ERN1: variants seen among roughly 807,000 people sequenced by gnomAD.
ERN1 encodes the protein serine/threonine-protein kinase/endoribonuclease IRE1.
A neutral mutation model predicts 113.1 loss-of-function variants in ERN1; 39 were observed. That is an observed-to-expected ratio of 0.34 (90% CI 0.27 to 0.45). The LOEUF is 0.45. ERN1 is among the 20% of genes least tolerant of loss of function. The probability of loss-of-function intolerance (pLI) is 1.00; values close to 1 mark genes in which losing one functional copy is unlikely to be tolerated. For missense variants in ERN1, 976 were observed against 1,274.8 expected, an observed-to-expected ratio of 0.77 and a Z score of 3.57; for synonymous variants, 507 against 515.9, an observed-to-expected ratio of 0.98 and a Z score of 0.23.
intron 1 of ERN1, among the ~76,000 whole-genome samples, chr17:64,107,472 C>T (rs924225069): frequency 1.3e-4 from 20 of 151,966 alleles, no homozygotes; most frequent in Non-Finnish European, 7.4e-5. Context: ...CAAGCATGCA[C>T]CACTATGCCT....
intron 4 of ERN1, among the ~76,000 whole-genome samples, 157 bp downstream of exon 4, chr17:64,079,505 T>G (rs1312552489): frequency 2.0e-5 from 3 of 152,208 alleles, no homozygotes; most frequent in African/African-American, 7.2e-5. Context: ...CTGAAAAGAC[T>G]GATGCCCAGG....
Position 64,130,020 on chromosome 17 carries a change from G to A in ERN1, c.10C>T (p.Arg4Trp), listed in dbSNP as rs775699911. The part of the protein sequence containing the change: MPA[R>W]RLLLLLTLLL... ...AGCGTCAGCAGCAGCAGCAGCCGCC[G>A]GGCCGGCATGGCGAGGACTCGGCCC... Residue 4 changes from arginine (R) to tryptophan (W), a missense_variant, in exon 1 of 22, where the codon CGG becomes TGG. Arg to Trp is a moderately radical substitution (Grantham distance 101). This residue lies in a region of ERN1 where 459 missense variants were observed against 581.2 expected (regional missense o/e 0.79). Coordinates refer to ENST00000433197, the MANE Select transcript of ERN1 (RefSeq NM_001433.5). The surrounding 1 kb of genome is among the most constrained non-coding windows in gnomAD (Gnocchi z 4.0). 2.9e-5 allele frequency: 42 copies of A among 1,431,546 alleles called. No homozygotes were observed. Among genetic ancestry groups the A allele is most frequent in the Non-Finnish European group, 3.6e-5 (40 of 1,098,986 alleles). 88.7% of individuals were successfully genotyped at this position (1,431,546 alleles called of 1,614,324 possible).
rs1312079747 is a variant in ERN1 at position 64,042,756 on chromosome 17, A to C, written c.*1232T>G. ...CAATACATTTACATAGTGTTGCTATAATGTTTTACTCTTCAGCATTAGAGA... is the reference window on the plus strand; with the variant it reads ...CAATACATTTACATAGTGTTGCTATCATGTTTTACTCTTCAGCATTAGAGA... On this transcript the variant is annotated 3_prime_UTR_variant, in exon 22 of 22. Transcript: ENST00000433197. The C allele has an allele frequency of 6.6e-6, 1 of 152,200 alleles. No homozygotes were observed. Among genetic ancestry groups the C allele is most frequent in the African/African-American group, 2.4e-5 (1 of 41,434 alleles). The allele number at this position is 152,200 out of a possible 1,614,324, so 9.4% of individuals were successfully genotyped here. A position where few individuals can be genotyped will look rare whatever the true frequency, so the allele number is the denominator to read the frequency against.
At chr17:64,045,215 AGAGGACACACCCAAGAAAGTC>A in intron 20 of ERN1, 123 bp downstream of exon 20, 2 of 914,904 alleles carry the variant, frequency 2.2e-6, no homozygotes, top group Non-Finnish European at 3.4e-6. Context: ...ACCAAACCAC[AGAGGACACACCCAAGAAAGTC>A]TCAAACCTGA....
At chr17:64,079,135 A>T (rs1022735210) in intron 4 of ERN1, among the ~76,000 whole-genome samples, 2 of 152,070 alleles carry the variant, frequency 1.3e-5, no homozygotes, top group Non-Finnish European at 2.9e-5. Context: ...GATGACTTAG[A>T]TCAATTAAAT....
Position 64,055,669 on chromosome 17 carries a change from C to A in ERN1, c.1672+6G>T. Reference sequence around the variant, plus strand: ...AAAATAGCACCAAGATGGCAACTGGCTTTACCTCCATCGTCTTGTTCCAGG... The same window carrying A: ...AAAATAGCACCAAGATGGCAACTGGATTTACCTCCATCGTCTTGTTCCAGG... On this transcript the variant is annotated splice_donor_region_variant and intron_variant, in intron 13 of 21. Coordinates refer to ENST00000433197, the MANE Select transcript of ERN1 (RefSeq NM_001433.5). 1 of 1,569,260 alleles carries A rather than the reference C, an allele frequency of 6.4e-7. No individual in the cohort carries two copies. Among genetic ancestry groups the A allele is most frequent in the South Asian group, 1.2e-5 (1 of 84,680 alleles).
chr17:64,108,292 C>G (rs774580279), intron 1 of ERN1, among the ~76,000 whole-genome samples: 1 of 152,082 alleles, frequency 6.6e-6, no homozygotes, highest in African/African-American at 2.4e-5. Flanking sequence ...ACAGTTCCCC[C>G]CAAACTGGTT....
chr17:64,077,583 C>T (rs1031406344), intron 4 of ERN1, among the ~76,000 whole-genome samples: 10 of 152,124 alleles, frequency 6.6e-5, no homozygotes, highest in African/African-American at 2.4e-4. Flanking sequence ...GAGTCATCCG[C>T]GGCGTGTGTC....
intron 2 of ERN1, among the ~76,000 whole-genome samples, chr17:64,094,615 T>G (rs1252251587): frequency 6.8e-6 from 1 of 147,790 alleles, no homozygotes; most frequent in African/African-American, 2.5e-5. Flanking sequence ...CCAGGGACAC[T>G]CCCATCCTTT....
intron 1 of ERN1, among the ~76,000 whole-genome samples, chr17:64,126,335 C>T (rs1426805733): frequency 8.5e-5 from 13 of 152,166 alleles, no homozygotes; most frequent in Admixed American, 5.9e-4. Context: ...CTTTGGATCC[C>T]GAAACCAAAG....
In ERN1 at chr17:64,126,159, A is replaced by T. The variant is rs542086226; in HGVS notation, c.54+3817T>A. On this transcript the variant is annotated intron_variant, in intron 1 of 21. Transcript: ENST00000433197. ...CTGTGATTCACCAGTCCTATTTTTTAAGCCAGCATCACGCTCTAATCATAT... is the reference window on the plus strand; with the variant it reads ...CTGTGATTCACCAGTCCTATTTTTTTAGCCAGCATCACGCTCTAATCATAT... Among the ~76,000 whole-genome samples, 9 of 152,282 alleles carry T rather than the reference A, an allele frequency of 5.9e-5. No homozygotes were observed. The East Asian group carries it at 1.7e-3, about 29-fold the overall frequency.
rs1912382114 is a variant in ERN1, at chr17:64,042,806, A to G, written c.*1182T>C. 6.6e-6 allele frequency: 1 copy of G among 152,198 alleles called. No homozygotes were observed. The allele number at this position is 152,198 out of a possible 1,614,324, so 9.4% of individuals were successfully genotyped here. A position where few individuals can be genotyped will look rare whatever the true frequency, so the allele number is the denominator to read the frequency against. On this transcript the variant is annotated 3_prime_UTR_variant, in exon 22 of 22. Transcript: ENST00000433197. ...AATGTTCTATACATGAACACTCTTGAGGGGATGGTGATTTTTGGTACCACA... is the reference window on the plus strand; with the variant it reads ...AATGTTCTATACATGAACACTCTTGGGGGGATGGTGATTTTTGGTACCACA...
chr17:64,101,561 G>A (rs1914386089), intron 1 of ERN1, among the ~76,000 whole-genome samples: 3 of 152,136 alleles, frequency 2.0e-5, no homozygotes, highest in Admixed American at 6.5e-5. Flanking sequence ...AAAGGAGATG[G>A]ACAAGCTAGC....
intron 11 of ERN1, among the ~76,000 whole-genome samples, chr17:64,058,618 A>G (rs995695211): frequency 3.3e-5 from 5 of 152,174 alleles, no homozygotes; most frequent in Non-Finnish European, 7.4e-5. Context: ...GCTTCCCTAG[A>G]GTTCCTCAGA....
intron 2 of ERN1, 71 bp from the exon 3 acceptor site, chr17:64,080,879 G>A (rs145185004): frequency 3.3e-6 from 5 of 1,503,530 alleles, no homozygotes; most frequent in Non-Finnish European, 4.6e-6. Context: ...GGCTTCCCAG[G>A]ACCAGGCCAA....
At chr17:64,090,957 A>C (rs968980841) in intron 2 of ERN1, among the ~76,000 whole-genome samples, 13 of 152,250 alleles carry the variant, frequency 8.5e-5, no homozygotes, top group African/African-American at 2.9e-4. Flanking sequence ...GCTCAAAAGT[A>C]AAAACAGGTT....
At chr17:64,055,566 C>T in intron 13 of ERN1, 109 bp downstream of exon 13, 1 of 1,068,198 alleles carries the variant, frequency 9.4e-7, no homozygotes. Flanking sequence ...GAGGAGAACA[C>T]AGTGAACCCC....
In ERN1 at chr17:64,053,307, G is replaced by A. The variant is rs1567862361; in HGVS notation, c.2018C>T (p.Thr673Ile). 2 of 1,611,782 alleles carry A rather than the reference G, an allele frequency of 1.2e-6. No individual in the cohort carries two copies. The highest frequency in any genetic ancestry group is 2.2e-5 in the South Asian group (2 of 91,010). The change falls in exon 16 of 22, where the codon ACC becomes ATC. Residue 673 changes from threonine (T) to isoleucine (I), a missense_variant. Around this residue, in one of 5 missense-constraint regions of ERN1, gnomAD observed 297 missense variants for 457.8 expected, o/e 0.65. Coordinates refer to ENST00000433197, the MANE Select transcript of ERN1 (RefSeq NM_001433.5). Reference protein sequence around the residue: ...LEPITLLQQTTSGLAHLHSLN... With the variant: ...LEPITLLQQTISGLAHLHSLN... Reference sequence around the variant, plus strand: ...GGAGTGGAGGTGGGCCAGGCCCGAGGTGGTCTGCTGCAGCAAGGTGATGGG... The same window carrying A: ...GGAGTGGAGGTGGGCCAGGCCCGAGATGGTCTGCTGCAGCAAGGTGATGGG...
At chr17:64,117,405 T>C (rs1451654616) in intron 1 of ERN1, among the ~76,000 whole-genome samples, 1 of 150,624 alleles carries the variant, frequency 6.6e-6, no homozygotes, top group African/African-American at 2.4e-5. Context: ...ATCACGCCAC[T>C]GCACTCCAGT....
Sources: allele counts gnomAD v4.1 joint callset (sites outside exome capture counted in the v4.1 genomes callset), GRCh38; gene constraint gnomAD v4.1.1; regional missense constraint gnomAD v4.1.1; non-coding constraint Gnocchi (gnomAD v3.1); transcripts MANE v1.5; gene names NCBI Gene and HGNC (gene_info 2026-07-23, HGNC 2026-07-21).